SNX22: variants seen among roughly 807,000 people sequenced by gnomAD.
The protein encoded by SNX22 is sorting nexin-22.
SNX22 carries 23 observed loss-of-function variants against 24.7 expected under a neutral mutation model. The ratio of observed to expected loss-of-function variants is 0.93; its 90% CI spans 0.67 to 1.32. SNX22 has a LOEUF of 1.32. SNX22 is among the 40% of genes most tolerant of loss of function. The probability of loss-of-function intolerance (pLI) is 0.00; values close to 1 mark genes in which losing one functional copy is unlikely to be tolerated. For missense variants in SNX22, 261 were observed against 249.9 expected, an observed-to-expected ratio of 1.04 and a Z score of -0.30; for synonymous variants, 99 against 104.0, an observed-to-expected ratio of 0.95 and a Z score of 0.29.
In SNX22 at chr15:64,153,795, T is replaced by TA. The variant is rs1307422561; in HGVS notation, c.392+111_392+112insA. 79 of 1,597,370 alleles carry TA rather than the reference T, an allele frequency of 4.9e-5. 1 individual carries two copies. In the African/African-American group the frequency reaches 9.9e-4, roughly 20 times the overall value. Reference sequence around the variant, plus strand: ...CTGGCCTGGGCCCTGAAGTCTGTTTTCCCTTTGGTGCCTCCTGAGCCCATT... The same window carrying TA: ...CTGGCCTGGGCCCTGAAGTCTGTTTTACCCTTTGGTGCCTCCTGAGCCCATT... On this transcript the variant is annotated intron_variant, in intron 5 of 6. Coordinates refer to ENST00000325881, the MANE Select transcript of SNX22 (RefSeq NM_024798.3).
chr15:64,152,883 C>A, intron 3 of SNX22, 141 bp downstream of exon 3: 1 of 709,470 alleles, frequency 1.4e-6, no homozygotes, highest in Non-Finnish European at 2.3e-6. Context: ...TTTTCTGAGT[C>A]TAATATAGGT....
At chr15:64,153,757 T>C in intron 5 of SNX22, 73 bp downstream of exon 5, 1 of 1,606,730 alleles carries the variant, frequency 6.2e-7, no homozygotes, top group Non-Finnish European at 8.5e-7. Flanking sequence ...GCAGGCCTGC[T>C]GCCTGGGCCT....
Position 64,154,744 on chromosome 15 carries a change from A to T in SNX22, c.*236A>T, listed in dbSNP as rs2081514030. On this transcript the variant is annotated 3_prime_UTR_variant, in exon 7 of 7. Transcript: ENST00000325881. The stretch of plus-strand genomic sequence containing the variant: ...GGCAGGGTCAAGAAGATAAGTAATA[A>T]AAGAGGAAGTCAGCCAGGCGCGGTG... 2 of 423,752 alleles carry T rather than the reference A, an allele frequency of 4.7e-6. No individual in the cohort carries two copies. The highest frequency in any genetic ancestry group is 8.3e-6 in the Non-Finnish European group (2 of 241,092). 26.2% of individuals were successfully genotyped at this position (423,752 alleles called of 1,614,324 possible). A position where few individuals can be genotyped will look rare whatever the true frequency, so the allele number is the denominator to read the frequency against.
At position 64,156,058 on chromosome 15, in the gene SNX22, C is replaced by T. The variant is rs763983999; in HGVS notation, c.*1550C>T. The T allele has an allele frequency of 4.3e-6, 7 of 1,614,176 alleles. No homozygotes were observed. The highest frequency in any genetic ancestry group is 4.5e-5 in the East Asian group (2 of 44,884). ...GCGATGGCAAAGGGCTTCTCCACCT[C>T]GATCTTGCCGCAGTCTGCGATGATC... On this transcript the variant is annotated 3_prime_UTR_variant, in exon 7 of 7. Transcript: ENST00000325881. This position sits in a 1 kb window ranked among gnomAD's most constrained non-coding sequence, Gnocchi z 6.4.
Position 64,156,672 on chromosome 15 carries a change from G to A in SNX22, c.*2164G>A. ...ATGGAGCTCCTGCCCTGGGGTCTGT[G>A]TTGAATCCCCGGTGAGGATTGCCCA... is the stretch of plus-strand genomic sequence containing the variant. On this transcript the variant is annotated 3_prime_UTR_variant, in exon 7 of 7. Coordinates refer to ENST00000325881, the MANE Select transcript of SNX22 (RefSeq NM_024798.3). The surrounding 1 kb of genome is among the most constrained non-coding windows in gnomAD (Gnocchi z 6.4). The A allele has an allele frequency of 6.2e-7, 1 of 1,605,896 alleles. No individual in the cohort carries two copies. Among genetic ancestry groups the A allele is most frequent in the South Asian group, 1.1e-5 (1 of 90,874 alleles).
rs5813282 is a variant in SNX22, at chr15:64,155,820, TAAA to T, written c.*1323_*1325del. On this transcript the variant is annotated 3_prime_UTR_variant, in exon 7 of 7. Coordinates refer to ENST00000325881, the MANE Select transcript of SNX22 (RefSeq NM_024798.3). ...AGAACCAGGCCCACACATTATATATTAAAAAAAAAAAAACCCACATTTTTTTTT... is the reference window on the plus strand; with the variant it reads ...AGAACCAGGCCCACACATTATATATTAAAAAAAAAACCCACATTTTTTTTT... 6 of 532,278 alleles carry T rather than the reference TAAA, an allele frequency of 1.1e-5. No homozygotes were observed. The Admixed American group carries it at 1.3e-4, about 12-fold the overall frequency. The allele number at this position is 532,278 out of a possible 1,614,324, so 33.0% of individuals were successfully genotyped here.
At chr15:64,153,557 C>T (rs1452147509) in intron 4 of SNX22, 95 bp from the exon 5 acceptor site, 18 of 1,555,918 alleles carry the variant, frequency 1.2e-5, no homozygotes, top group Admixed American at 8.4e-5. Flanking sequence ...GCAGTGGTCC[C>T]CTGGGAGGTG....
At chr15:64,152,019 G>A in intron 1 of SNX22, 169 bp downstream of exon 1, 1 of 803,118 alleles carries the variant, frequency 1.2e-6, no homozygotes, top group Non-Finnish European at 1.8e-6. Context: ...CCAGCCTCGC[G>A]GACCATGGTT....
chr15:64,154,563 G>C lies in SNX22; in HGVS notation c.*55G>C. The stretch of plus-strand genomic sequence containing the variant: ...AGAAAGTCATGTGCCTCTGTCCTAT[G>C]AACTCCATATAAGGCTGGGTCCTCC... On this transcript the variant is annotated 3_prime_UTR_variant, in exon 7 of 7. Transcript: ENST00000325881. 1 of 1,601,846 alleles carries C rather than the reference G, an allele frequency of 6.2e-7. No individual in the cohort carries two copies. Among genetic ancestry groups the C allele is most frequent in the Non-Finnish European group, 8.5e-7 (1 of 1,172,430 alleles).
chr15:64,152,594 G>T, intron 2 of SNX22, 44 bp from the exon 3 acceptor site: 1 of 1,569,214 alleles, frequency 6.4e-7, no homozygotes, highest in Non-Finnish European at 8.7e-7. Flanking sequence ...GGGCTTGAGG[G>T]CTCAGTCGGG....
Position 64,155,731 on chromosome 15 carries a change from C to A in SNX22, c.*1223C>A, listed in dbSNP as rs1307442256. 1.3e-5 allele frequency: 5 copies of A among 389,352 alleles called. No homozygotes were observed. The East Asian group carries it at 2.9e-4, about 23-fold the overall frequency. 24.1% of individuals were successfully genotyped at this position (389,352 alleles called of 1,614,324 possible). ...AGGATCCCAGGGAAGGGGCAGGCAC[C>A]CATTGCCACAGGAGAGTTGCAGGCA... On this transcript the variant is annotated 3_prime_UTR_variant, in exon 7 of 7. Coordinates refer to ENST00000325881, the MANE Select transcript of SNX22 (RefSeq NM_024798.3).
Position 64,155,430 on chromosome 15 carries a change from T to G in SNX22, c.*922T>G, listed in dbSNP as rs1261017615. 1.3e-5 allele frequency: 2 copies of G among 154,996 alleles called. No individual in the cohort carries two copies. Among genetic ancestry groups the G allele is most frequent in the African/African-American group, 2.5e-5 (1 of 40,670 alleles). The allele number at this position is 154,996 out of a possible 1,614,324, so 9.6% of individuals were successfully genotyped here. A position where few individuals can be genotyped will look rare whatever the true frequency, so the allele number is the denominator to read the frequency against. Reference sequence around the variant, plus strand: ...AGGCTCATGCCTGTAATCCCAATACTTTAGGAGGCCAAGGCAGGAGGATGC... The same window carrying G: ...AGGCTCATGCCTGTAATCCCAATACGTTAGGAGGCCAAGGCAGGAGGATGC... On this transcript the variant is annotated 3_prime_UTR_variant, in exon 7 of 7. Coordinates refer to ENST00000325881, the MANE Select transcript of SNX22 (RefSeq NM_024798.3).
chr15:64,152,552 G>A, intron 2 of SNX22, 86 bp from the exon 3 acceptor site: 1 of 1,377,158 alleles, frequency 7.3e-7, no homozygotes, highest in Non-Finnish European at 1.0e-6. Context: ...CCGAAGGCGG[G>A]GGCGCGGGAG....
intron 1 of SNX22, 41 bp from the exon 2 acceptor site, chr15:64,152,202 G>T (rs1405555434): frequency 7.3e-7 from 1 of 1,370,542 alleles, no homozygotes; most frequent in South Asian, 1.7e-5. Flanking sequence ...GTCCTCCCGC[G>T]GGGCCTCACG....
intron 3 of SNX22, chr15:64,153,008 T>G (rs1156493524): frequency 3.3e-6 from 2 of 615,268 alleles, no homozygotes; most frequent in African/African-American, 3.7e-5. Flanking sequence ...TGTGCTGCCC[T>G]CCTGATGGCA....
intron 6 of SNX22, 147 bp downstream of exon 6, chr15:64,154,149 T>A: frequency 5.0e-6 from 8 of 1,588,786 alleles, no homozygotes; most frequent in Non-Finnish European, 6.0e-6. Context: ...GCCTGCTTTG[T>A]AGACACAAGG....
In SNX22 at chr15:64,154,324, C is replaced by T. The variant is rs1452985730; in HGVS notation, c.461-63C>T. ...TCCTACTCCCAAGTGGGGGCTGAGC[C>T]CATGAGCAGGAGCTCAAGGAGCTGC... On this transcript the variant is annotated intron_variant, in intron 6 of 6. Transcript: ENST00000325881. The T allele has an allele frequency of 8.7e-6, 14 of 1,604,604 alleles. No homozygotes were observed. The East Asian group carries it at 2.9e-4, about 33-fold the overall frequency.
rs1010515034 is a variant in SNX22 at position 64,156,822 on chromosome 15, C to T, written c.*2314C>T. 6.2e-7 allele frequency: 1 copy of T among 1,614,208 alleles called. No individual in the cohort carries two copies. The highest frequency in any genetic ancestry group is 8.5e-7 in the Non-Finnish European group (1 of 1,180,044). On this transcript the variant is annotated 3_prime_UTR_variant, in exon 7 of 7. Transcript: ENST00000325881. This position sits in a 1 kb window ranked among gnomAD's most constrained non-coding sequence, Gnocchi z 6.4. ...GAACTGGGAGCCGTTGGTGTCTTTG[C>T]CTGCGTTGGCCATGCTCACCCAGCC...
chr15:64,156,246 A>G lies in SNX22; in HGVS notation c.*1738A>G. ...TGGCTCAGGAGGGCTAAGACCCACA[A>G]GTGATCAACAGCACACAAAACTGGA... On this transcript the variant is annotated 3_prime_UTR_variant, in exon 7 of 7. Coordinates refer to ENST00000325881, the MANE Select transcript of SNX22 (RefSeq NM_024798.3). The surrounding 1 kb of genome is among the most constrained non-coding windows in gnomAD (Gnocchi z 6.4). 1.4e-6 allele frequency: 2 copies of G among 1,459,120 alleles called. No homozygotes were observed. Among genetic ancestry groups the G allele is most frequent in the Non-Finnish European group, 1.9e-6 (2 of 1,058,466 alleles). The allele number at this position is 1,459,120 out of a possible 1,614,324, so 90.4% of individuals were successfully genotyped here. A position where few individuals can be genotyped will look rare whatever the true frequency, so the allele number is the denominator to read the frequency against.
Sources: gnomAD v4.1 joint callset for allele counts on GRCh38, gnomAD v4.1.1 for gene constraint, Gnocchi (gnomAD v3.1) non-coding constraint, MANE v1.5 for transcripts, NCBI Gene and HGNC (gene_info 2026-07-23, HGNC 2026-07-21) for gene names.